KRT73: variants seen among roughly 807,000 people sequenced by gnomAD.
KRT73 encodes keratin 73, also known as keratin, type II cytoskeletal 73.
In KRT73, 44 loss-of-function variants were observed where a neutral mutation model predicts 47.2. The ratio of observed to expected loss-of-function variants is 0.93; its 90% CI spans 0.73 to 1.20. KRT73 has a LOEUF of 1.20. Ranked by LOEUF, KRT73 falls within the 50% of genes most tolerant of loss-of-function variation. The probability of loss-of-function intolerance (pLI) is 0.00; values close to 1 mark genes in which losing one functional copy is unlikely to be tolerated. For synonymous variants in KRT73, 285 were observed against 291.3 expected (o/e 0.98, Z 0.22); for missense variants, 713 against 704.5 (o/e 1.01, Z -0.14).
At position 52,618,070 on chromosome 12, in the gene KRT73, A is replaced by G; in HGVS notation, c.447+8T>C. ...AGCCCAAGATCAGCTTTCTCCAGAAAGACCCACCTTGTCAATGAAGGAGGC... is the reference window on the plus strand; with the variant it reads ...AGCCCAAGATCAGCTTTCTCCAGAAGGACCCACCTTGTCAATGAAGGAGGC... On this transcript the variant is annotated splice_region_variant and intron_variant, in intron 1 of 8. Coordinates refer to ENST00000305748, the MANE Select transcript of KRT73 (RefSeq NM_175068.3). The G allele has an allele frequency of 6.2e-7, 1 of 1,612,902 alleles. No homozygotes were observed. The highest frequency in any genetic ancestry group is 8.5e-7 in the Non-Finnish European group (1 of 1,179,548).
intron 1 of KRT73, among the ~76,000 whole-genome samples, chr12:52,616,962 C>G (rs896694195): frequency 3.9e-5 from 6 of 152,296 alleles, no homozygotes; most frequent in Non-Finnish European, 2.9e-5. Flanking sequence ...AAGTTGCAAC[C>G]TACAAATATA....
chr12:52,629,878 CCCACAGTCGCCTCATGG>C, the KRT73 span, among the ~76,000 whole-genome samples: 1 of 152,162 alleles, frequency 6.6e-6, no homozygotes, highest in Non-Finnish European at 1.5e-5. Flanking sequence ...ACCCTCCCAA[CCCACAGTCGCCTCATGG>C]CCACTGTTCC....
chr12:52,613,759 C>T lies in KRT73; in HGVS notation c.913G>A (p.Glu305Lys), dbSNP rs771293070. Residue 305 changes from glutamate (E) to lysine (K), a missense_variant, in exon 5 of 9, where the codon GAG (glutamate) becomes AAG (lysine). Coordinates refer to ENST00000305748, the MANE Select transcript of KRT73 (RefSeq NM_175068.3). ...RNLDLDSIIA[E>K]VRAQYEEIAR... Reference sequence around the variant, plus strand: ...ATCTCCTCATACTGGGCACGGACCTCAGCAATGATGCTGTCCAGGTCCAGG... The same window carrying T: ...ATCTCCTCATACTGGGCACGGACCTTAGCAATGATGCTGTCCAGGTCCAGG... 6.2e-7 allele frequency: 1 copy of T among 1,614,236 alleles called. No homozygotes were observed. The highest frequency in any genetic ancestry group is 8.5e-7 in the Non-Finnish European group (1 of 1,180,042).
intron 2 of KRT73, among the ~76,000 whole-genome samples, chr12:52,615,732 C>T (rs1331980356): frequency 2.0e-5 from 3 of 152,232 alleles, no homozygotes; most frequent in African/African-American, 7.2e-5. Context: ...GAAGCCAGAA[C>T]TATCTCCCAG....
Position 52,608,099 on chromosome 12 carries a change from G to T in KRT73, c.*97C>A. 1 of 1,308,518 alleles carries T rather than the reference G, an allele frequency of 7.6e-7. No homozygotes were observed. The highest frequency in any genetic ancestry group is 1.5e-5 in the South Asian group (1 of 68,092). 81.1% of individuals were successfully genotyped at this position (1,308,518 alleles called of 1,614,324 possible). On this transcript the variant is annotated 3_prime_UTR_variant, in exon 9 of 9. Transcript: ENST00000305748. ...GTCCACAGCAAAGCAAAGCAAGAAGGAGATGAGGACAAATGAGACAGAGGA... is the reference window on the plus strand; with the variant it reads ...GTCCACAGCAAAGCAAAGCAAGAAGTAGATGAGGACAAATGAGACAGAGGA...
intron 1 of KRT73, 71 bp from the exon 2 acceptor site, chr12:52,616,451 C>G: frequency 1.3e-6 from 2 of 1,574,706 alleles, no homozygotes; most frequent in Non-Finnish European, 1.7e-6. Context: ...TGGACAGGAA[C>G]TGTGTTTTCT....
chr12:52,625,969 G>C, the KRT73 span, among the ~76,000 whole-genome samples: 1 of 146,332 alleles, frequency 6.8e-6, no homozygotes, highest in African/African-American at 2.6e-5. Flanking sequence ...CAGAAATGGG[G>C]AACAGATTAG....
chr12:52,609,210 G>A lies in KRT73; in HGVS notation c.1366+37C>T, dbSNP rs753349312. The A allele has an allele frequency of 1.9e-6, 3 of 1,597,626 alleles. No homozygotes were observed. The African/African-American group carries it at 4.0e-5, about 21-fold the overall frequency. ...CCCACCCACTTTGTGTTTGTTGATG[G>A]ACTAAAAGTATTCCCTCAGAGTCAT... On this transcript the variant is annotated intron_variant, in intron 8 of 8. Transcript: ENST00000305748.
At chr12:52,618,592 A>G, upstream of KRT73, 1 of 1,493,528 alleles carries the variant, frequency 6.7e-7, no homozygotes, top group Middle Eastern at 2.5e-4. Context: ...CCAGCCTGTG[A>G]TCCTGGGCTC....
chr12:52,611,140 A>C, intron 6 of KRT73, 64 bp downstream of exon 6: 2 of 1,578,686 alleles, frequency 1.3e-6, no homozygotes, highest in African/African-American at 1.3e-5. Flanking sequence ...AGGAGGGGGC[A>C]GGGGGTGCTA....
chr12:52,610,527 C>CGGGGGGGGGGGG, intron 7 of KRT73, 88 bp downstream of exon 7: 1 of 312,804 alleles, frequency 3.2e-6, no homozygotes, highest in Non-Finnish European at 6.4e-6. Context: ...CGCCAGCTCG[C>CGGGGGGGGGGGG]CGCCCCCTCC....
At chr12:52,610,533 C>CCCCCCCCCCCCCCCCCA in intron 7 of KRT73, 82 bp downstream of exon 7, 1 of 183,894 alleles carries the variant, frequency 5.4e-6, no homozygotes, top group Non-Finnish European at 1.1e-5. Flanking sequence ...CTCGCCGCCC[C>CCCCCCCCCCCCCCCCCA]CTCCCCCCCG....
the KRT73 span, among the ~76,000 whole-genome samples, chr12:52,627,332 G>C: frequency 1.3e-5 from 2 of 152,168 alleles, no homozygotes; most frequent in East Asian, 3.8e-4. Context: ...TATTAGTGTT[G>C]AGAACAATCT....
upstream of KRT73, among the ~76,000 whole-genome samples, chr12:52,619,942 T>G (rs1369701888): frequency 6.6e-6 from 1 of 152,156 alleles, no homozygotes; most frequent in East Asian, 1.9e-4. Context: ...CTAAAATTGT[T>G]GTACTAAGCA....
Position 52,614,677 on chromosome 12 carries a change from A to G in KRT73, c.724-3T>C, listed in dbSNP as rs755145785. 33 of 1,611,938 alleles carry G rather than the reference A, an allele frequency of 2.0e-5. 1 individual carries two copies. The highest frequency in any genetic ancestry group is 5.5e-5 in the South Asian group (5 of 90,704). ...CTCGTGTAAGCTGCGTCCACGTCCT[A>G]TGGAGAATCCAGATACCCCTGACCT... On this transcript the variant is annotated splice_polypyrimidine_tract_variant and splice_region_variant and intron_variant, in intron 3 of 8. Transcript: ENST00000305748.
chr12:52,611,357 C>T (rs1035211788), intron 5 of KRT73, 28 bp from the exon 6 acceptor site: 3 of 1,613,620 alleles, frequency 1.9e-6, no homozygotes, highest in Non-Finnish European at 2.5e-6. Flanking sequence ...AAAGCAAGAA[C>T]ACTGACTCAG....
At chr12:52,627,903 A>ATGTGTGTG in the KRT73 span, among the ~76,000 whole-genome samples, 1 of 150,894 alleles carries the variant, frequency 6.6e-6, no homozygotes, top group African/African-American at 2.4e-5. Context: ...CAGAATGAAC[A>ATGTGTGTG]TGTGTGTGTG....
chr12:52,613,647 G>A (rs1235466753), intron 5 of KRT73, 41 bp downstream of exon 5: 3 of 1,609,144 alleles, frequency 1.9e-6, no homozygotes, highest in Admixed American at 3.3e-5. Context: ...CTGGAGCAGA[G>A]GGCCCTGCAT....
chr12:52,620,426 GTTTC>G (rs1454833419), upstream of KRT73, among the ~76,000 whole-genome samples: 3 of 152,086 alleles, frequency 2.0e-5, no homozygotes, highest in East Asian at 5.8e-4. Context: ...TCCTTTGTAA[GTTTC>G]TTTGTAAGGC....
Sources: gnomAD v4.1 joint callset for allele counts (sites outside exome capture counted in the v4.1 genomes callset) on GRCh38, gnomAD v4.1.1 for gene constraint, MANE v1.5 for transcripts, NCBI Gene and HGNC (gene_info 2026-07-23, HGNC 2026-07-21) for gene names.